The following UGT2A1 variants were observed in gnomAD, a reference collection of about 807,000 sequenced individuals.
UGT2A1 encodes the protein UDP glucuronosyltransferase family 2 member A1 complex locus.
Under a neutral mutation model 45.4 loss-of-function variants are expected in UGT2A1, and 61 were observed. The ratio of observed to expected loss-of-function variants is 1.34; its 90% CI spans 1.09 to 1.66. UGT2A1 has a LOEUF of 1.66. Ranked by LOEUF, UGT2A1 falls within the 40% of genes most tolerant of loss-of-function variation. The pLI, the probability that UGT2A1 is intolerant of heterozygous loss-of-function variation, is 0.00. For synonymous variants in UGT2A1, 229 were observed against 196.2 expected, an observed-to-expected ratio of 1.17 and a Z score of -1.40; for missense variants, 649 against 574.3, an observed-to-expected ratio of 1.13 and a Z score of -1.33.
At position 69,647,371 on chromosome 4, in the gene UGT2A1, A is replaced by C. The variant is rs779475514; in HGVS notation, c.274T>G (p.Leu92Val). 6.2e-7 allele frequency: 1 copy of C among 1,613,208 alleles called. No individual in the cohort carries two copies. ...RIEGVIKDFV[L>V]TWLENRPSPS... The stretch of plus-strand genomic sequence containing the variant: ...GATGGTCTATTTTCCAGCCATGTCA[A>C]AACGAAGTCCTTAATTACTCCTTCT... Residue 92 changes from leucine to valine, a missense_variant, in exon 2 of 7, where the codon TTG becomes GTG. By Grantham distance (32) the Leu-to-Val change is conservative (BLOSUM62 1). Transcript: ENST00000286604.
At chr4:69,637,448 T>C (rs1422561355) in intron 2 of UGT2A1, among the ~76,000 whole-genome samples, 2 of 152,132 alleles carry the variant, frequency 1.3e-5, no homozygotes, top group African/African-American at 4.8e-5. Context: ...AGTTAGTTTA[T>C]GAGTATTCAA....
Position 69,647,429 on chromosome 4 carries a change from T to G in UGT2A1, c.216A>C (p.Glu72Asp). The change falls in exon 2 of 7, where the codon GAA becomes GAC. Residue 72 changes from glutamate to aspartate, a missense_variant. By Grantham distance (45) the Glu-to-Asp change is conservative. Transcript: ENST00000286604. ...CTTTGCCAAAGGGCACCTTATATAT[T>G]TCAAATGTCAGAGATGGGTTAGAGG... ...TPTSNPSLTF[E>D]IYKVPFGKER... is the part of the protein sequence containing the mutation. 1 of 1,612,822 alleles carries G rather than the reference T, an allele frequency of 6.2e-7. No individual in the cohort carries two copies. Among genetic ancestry groups the G allele is most frequent in the Middle Eastern group, 1.7e-4 (1 of 6,046 alleles).
chr4:69,599,537 T>G, intron 3 of UGT2A1, 143 bp from the exon 4 acceptor site: 1 of 1,165,866 alleles, frequency 8.6e-7, no homozygotes, highest in Non-Finnish European at 1.1e-6. Context: ...GTTTATATAT[T>G]AAGAAGAAGG....
intron 3 of UGT2A1, among the ~76,000 whole-genome samples, chr4:69,633,541 C>A (rs1721504651): frequency 6.6e-6 from 1 of 152,050 alleles, no homozygotes; most frequent in Admixed American, 6.6e-5. Flanking sequence ...ACCAAAATAG[C>A]CTAAATTTCC....
At chr4:69,611,199 G>A (rs1342731524) in intron 3 of UGT2A1, among the ~76,000 whole-genome samples, 1 of 151,516 alleles carries the variant, frequency 6.6e-6, no homozygotes, top group Non-Finnish European at 1.5e-5. Context: ...AAGCTGGAGT[G>A]CAGTGGCACC....
intron 2 of UGT2A1, among the ~76,000 whole-genome samples, chr4:69,645,165 C>T (rs373599020): frequency 4.0e-5 from 6 of 151,620 alleles, no homozygotes; most frequent in African/African-American, 1.2e-4. Flanking sequence ...TTATCAGTAA[C>T]GAATGCACAC....
At chr4:69,640,714 C>A (rs1722006312) in intron 2 of UGT2A1, among the ~76,000 whole-genome samples, 2 of 151,824 alleles carry the variant, frequency 1.3e-5, no homozygotes, top group African/African-American at 4.8e-5. Context: ...CCTTGAGTAA[C>A]AAAAGAACTG....
intron 3 of UGT2A1, among the ~76,000 whole-genome samples, chr4:69,607,637 A>G (rs1249117372): frequency 6.6e-6 from 1 of 152,180 alleles, no homozygotes; most frequent in Admixed American, 6.5e-5. Flanking sequence ...CAGGCAACCT[A>G]CAGAATGGGA....
intron 1 of UGT2A1, among the ~76,000 whole-genome samples, chr4:69,651,088 C>T (rs181917001): frequency 1.9e-3 from 290 of 152,198 alleles, no homozygotes; most frequent in African/African-American, 6.7e-3. Context: ...AGCATAAATA[C>T]CTCAGAAATA....
intron 2 of UGT2A1, chr4:69,639,417 T>A: frequency 5.6e-6 from 9 of 1,613,368 alleles, no homozygotes; most frequent in Non-Finnish European, 7.6e-6. Flanking sequence ...CACAGGAGAA[T>A]CGGGATTGGA....
intron 1 of UGT2A1, among the ~76,000 whole-genome samples, chr4:69,649,512 G>A (rs1722424452): frequency 6.6e-6 from 1 of 152,020 alleles, no homozygotes; most frequent in Non-Finnish European, 1.5e-5. Flanking sequence ...TTTTATTCAG[G>A]TGCTATTGAG....
intron 3 of UGT2A1, among the ~76,000 whole-genome samples, chr4:69,629,217 G>A (rs969952249): frequency 1.3e-5 from 2 of 152,004 alleles, no homozygotes; most frequent in Non-Finnish European, 2.9e-5. Flanking sequence ...GGTAGAAAGG[G>A]AGCCAGGTAA....
intron 1 of UGT2A1, among the ~76,000 whole-genome samples, chr4:69,652,509 G>A (rs1040842007): frequency 6.6e-6 from 1 of 151,810 alleles, no homozygotes; most frequent in African/African-American, 2.4e-5. Flanking sequence ...GACCAGAGGT[G>A]ATCCACCCTC....
chr4:69,648,180 T>C (rs1722369340), intron 1 of UGT2A1, among the ~76,000 whole-genome samples: 1 of 149,740 alleles, frequency 6.7e-6, no homozygotes, highest in African/African-American at 2.4e-5. Flanking sequence ...TGTATAAATA[T>C]ATTACTATAA....
intron 1 of UGT2A1, among the ~76,000 whole-genome samples, chr4:69,651,541 T>C (rs1396413753): frequency 1.3e-5 from 2 of 152,176 alleles, no homozygotes; most frequent in Admixed American, 6.5e-5. Context: ...TAATAAAATA[T>C]ATACTTTGCT....
intron 2 of UGT2A1, among the ~76,000 whole-genome samples, chr4:69,641,648 T>C (rs1722057352): frequency 6.6e-6 from 1 of 151,912 alleles, no homozygotes; most frequent in Non-Finnish European, 1.5e-5. Flanking sequence ...TTCTTTGTTT[T>C]GCTAAACAGA....
chr4:69,606,103 T>C (rs1047407077), intron 3 of UGT2A1, among the ~76,000 whole-genome samples: 1 of 123,154 alleles, frequency 8.1e-6, no homozygotes, highest in Admixed American at 7.8e-5. Context: ...TATCAAAGCC[T>C]GGCAGAGACA....
intron 3 of UGT2A1, among the ~76,000 whole-genome samples, chr4:69,632,335 A>T (rs1018537678): frequency 2.0e-5 from 3 of 151,876 alleles, no homozygotes; most frequent in Non-Finnish European, 4.4e-5. Flanking sequence ...GATAAGGTAA[A>T]TTTTTTTTCC....
Position 69,647,473 on chromosome 4 carries a change from C to T in UGT2A1, c.172G>A (p.Ala58Thr), listed in dbSNP as rs1318888328. 2 of 1,612,876 alleles carry T rather than the reference C, an allele frequency of 1.2e-6. No homozygotes were observed. Among genetic ancestry groups the T allele is most frequent in the African/African-American group, 1.3e-5 (1 of 74,846 alleles). ...HNVTVLVASG[A>T]LFITPTSNPS... The stretch of plus-strand genomic sequence containing the variant: ...TTAGAGGTTGGTGTGATGAAAAGTG[C>T]ACCAGAGGCAACTAGGACAGTCACA... Residue 58 changes from alanine to threonine, a missense_variant, in exon 2 of 7, where the codon GCA (alanine) becomes ACA (threonine). Coordinates refer to ENST00000286604, the MANE Select transcript of UGT2A1 (RefSeq NM_001252275.3).
Sources: allele counts gnomAD v4.1 joint callset (sites outside exome capture counted in the v4.1 genomes callset), GRCh38; gene constraint gnomAD v4.1.1; transcripts MANE v1.5; gene names NCBI Gene and HGNC (gene_info 2026-07-23, HGNC 2026-07-21).